Variants in NXPE2 observed in about 807,000 individuals in gnomAD.
NXPE2 encodes the protein neurexophilin and PC-esterase domain family member 2, also known as NXPE family member 2.
A neutral mutation model predicts 34.4 loss-of-function variants in NXPE2; 34 were observed. The ratio of observed to expected loss-of-function variants is 0.99; its 90% CI spans 0.75 to 1.31. The LOEUF is 1.31. Ranked by LOEUF, NXPE2 falls within the 40% of genes most tolerant of loss-of-function variation. The pLI is 0.00. For missense variants in NXPE2, 649 were observed against 672.5 expected (o/e 0.97, Z 0.39); for synonymous variants, 235 against 231.3 (o/e 1.02, Z -0.15).
At chr11:114,576,325 T>C in the NXPE2 span, among the ~76,000 whole-genome samples, 3 of 148,428 alleles carry the variant, frequency 2.0e-5, no homozygotes, top group Non-Finnish European at 4.5e-5. Context: ...CAAAAGCAAA[T>C]GCAACAAAAA....
At chr11:114,726,217 AG>A in the NXPE2 span, among the ~76,000 whole-genome samples, 2 of 151,896 alleles carry the variant, frequency 1.3e-5, no homozygotes, top group Non-Finnish European at 2.9e-5. Flanking sequence ...TATTCCAAAA[AG>A]AAGTCAGCTG....
chr11:114,470,446 T>C, the NXPE2 span, among the ~76,000 whole-genome samples: 1 of 152,198 alleles, frequency 6.6e-6, no homozygotes, highest in African/African-American at 2.4e-5. Context: ...CTAATGCAAA[T>C]GACTGATGAT....
At chr11:114,513,754 A>G in the NXPE2 span, among the ~76,000 whole-genome samples, 2 of 152,254 alleles carry the variant, frequency 1.3e-5, no homozygotes, top group African/African-American at 4.8e-5. Context: ...TGGTTACAAT[A>G]GCAAATTGAA....
the NXPE2 span, among the ~76,000 whole-genome samples, chr11:114,630,843 C>T: frequency 6.6e-6 from 1 of 151,362 alleles, no homozygotes; most frequent in Non-Finnish European, 1.5e-5. Flanking sequence ...AACAAACAAC[C>T]CCATCAAAAA....
At chr11:114,521,847 C>T in the NXPE2 span, 1 of 765,994 alleles carries the variant, frequency 1.3e-6, no homozygotes, top group African/African-American at 1.8e-5. Flanking sequence ...GCCTTCCTCC[C>T]CAAACAGATT....
the NXPE2 span, among the ~76,000 whole-genome samples, chr11:114,737,631 T>C: frequency 6.6e-6 from 1 of 152,122 alleles, no homozygotes; most frequent in South Asian, 2.1e-4. Flanking sequence ...GAGACTTGGT[T>C]TGAATCACTG....
the NXPE2 span, among the ~76,000 whole-genome samples, chr11:114,659,802 A>C: frequency 6.6e-6 from 1 of 152,116 alleles, no homozygotes; most frequent in Non-Finnish European, 1.5e-5. Context: ...AAGTAAGCAG[A>C]GGAAAACAAT....
At chr11:114,636,989 C>T in the NXPE2 span, among the ~76,000 whole-genome samples, 1 of 152,216 alleles carries the variant, frequency 6.6e-6, no homozygotes, top group African/African-American at 2.4e-5. Context: ...CCACTTGGTG[C>T]AGAGCTGAGT....
chr11:114,505,738 A>G, the NXPE2 span, among the ~76,000 whole-genome samples: 3 of 152,188 alleles, frequency 2.0e-5, no homozygotes, highest in African/African-American at 7.2e-5. Context: ...CAATATGGAA[A>G]GGAAAGACTG....
the NXPE2 span, among the ~76,000 whole-genome samples, chr11:114,470,209 C>G: frequency 0.25 from 38,584 of 151,984 alleles, 5,037 homozygotes; most frequent in East Asian, 0.37. Flanking sequence ...GGAAGAATAC[C>G]TACGAATGGA....
At chr11:114,581,935 C>A in the NXPE2 span, 1 of 652,410 alleles carries the variant, frequency 1.5e-6, no homozygotes, top group Non-Finnish European at 2.6e-6. Context: ...ATTTCCATTT[C>A]TTTGCCTATT....
the NXPE2 span, among the ~76,000 whole-genome samples, chr11:114,747,831 A>G: frequency 3.3e-5 from 5 of 152,154 alleles, no homozygotes; most frequent in Non-Finnish European, 7.4e-5. Context: ...TGGTGCGAAA[A>G]AATTTATAGC....
At chr11:114,634,132 C>T in the NXPE2 span, among the ~76,000 whole-genome samples, 3 of 151,444 alleles carry the variant, frequency 2.0e-5, no homozygotes, top group Non-Finnish European at 2.9e-5. Flanking sequence ...CTGTTGTTTC[C>T]TGACTTTTTA....
chr11:114,729,512 T>A, the NXPE2 span, among the ~76,000 whole-genome samples: 1 of 152,186 alleles, frequency 6.6e-6, no homozygotes, highest in African/African-American at 2.4e-5. Flanking sequence ...GCTAAACTAA[T>A]TTACAATCCC....
chr11:114,597,613 T>C, the NXPE2 span, among the ~76,000 whole-genome samples: 1 of 152,116 alleles, frequency 6.6e-6, no homozygotes, highest in Non-Finnish European at 1.5e-5. Context: ...GCCTAGACCT[T>C]GGTTTCTTAA....
the NXPE2 span, among the ~76,000 whole-genome samples, chr11:114,616,116 C>T: frequency 6.6e-6 from 1 of 151,562 alleles, no homozygotes; most frequent in East Asian, 1.9e-4. Context: ...CATGGGTAAC[C>T]ACTGTTATCC....
At chr11:114,728,272 T>C in the NXPE2 span, among the ~76,000 whole-genome samples, 2 of 152,078 alleles carry the variant, frequency 1.3e-5, no homozygotes, top group African/African-American at 4.8e-5. Context: ...AAATCCCCTT[T>C]GCTACAAAGG....
chr11:114,655,127 C>G, the NXPE2 span, among the ~76,000 whole-genome samples: 3 of 150,062 alleles, frequency 2.0e-5, no homozygotes, highest in African/African-American at 4.8e-5. Flanking sequence ...TATCTTCTTT[C>G]GAGAAGTGTC....
chr11:114,744,853 T>C, the NXPE2 span, among the ~76,000 whole-genome samples: 1 of 152,174 alleles, frequency 6.6e-6, no homozygotes, highest in Non-Finnish European at 1.5e-5. Flanking sequence ...TACGAAGGCA[T>C]GTTTATCATT....
Sources: allele counts gnomAD v4.1 joint callset (sites outside exome capture counted in the v4.1 genomes callset), GRCh38; gene constraint gnomAD v4.1.1; transcripts MANE v1.5; gene names NCBI Gene and HGNC (gene_info 2026-07-23, HGNC 2026-07-21).